Variants in SHC3 observed in about 807,000 individuals in gnomAD.
SHC3 encodes the protein SHC adaptor protein 3.
In SHC3, 15 loss-of-function variants were observed where a neutral mutation model predicts 60.4. The ratio of observed to expected loss-of-function variants is 0.25; its 90% CI spans 0.17 to 0.38. SHC3 has a LOEUF of 0.38. SHC3 is among the 10% of genes least tolerant of loss of function. The pLI is 1.00. For missense variants in SHC3, 677 were observed against 786.1 expected (o/e 0.86, Z 1.66); for synonymous variants, 294 against 325.9 (o/e 0.90, Z 1.05).
intron 6 of SHC3, among the ~76,000 whole-genome samples, chr9:89,056,724 T>C (rs867757895): frequency 3.9e-5 from 6 of 152,240 alleles, no homozygotes; most frequent in African/African-American, 1.4e-4. Flanking sequence ...GCCCTTCCTC[T>C]GCTATTACGG....
chr9:89,020,789 T>A (rs1564077768), intron 11 of SHC3, among the ~76,000 whole-genome samples: 2 of 151,984 alleles, frequency 1.3e-5, no homozygotes. Flanking sequence ...TCTCCATGTC[T>A]CCTCCATCAG....
intron 5 of SHC3, among the ~76,000 whole-genome samples, chr9:89,066,157 G>T (rs758757500): frequency 6.6e-6 from 1 of 152,042 alleles, no homozygotes; most frequent in Non-Finnish European, 1.5e-5. Flanking sequence ...AAAATAGAAC[G>T]CTAAGCCATA....
intron 2 of SHC3, among the ~76,000 whole-genome samples, chr9:89,095,168 A>G (rs1293654578): frequency 2.0e-5 from 3 of 152,210 alleles, no homozygotes; most frequent in Non-Finnish European, 4.4e-5. Context: ...CATGTACACC[A>G]TGTTCATGGA....
Position 89,013,394 on chromosome 9 carries a change from CA to C in SHC3, c.*52del. 1 of 1,422,566 alleles carries C rather than the reference CA, an allele frequency of 7.0e-7. No homozygotes were observed. Among genetic ancestry groups the C allele is most frequent in the Non-Finnish European group, 9.3e-7 (1 of 1,080,922 alleles). 88.1% of individuals were successfully genotyped at this position (1,422,566 alleles called of 1,614,324 possible). A position where few individuals can be genotyped will look rare whatever the true frequency, so the allele number is the denominator to read the frequency against. ...AGTTCCAGCAGCCCCGATTCTAGTC[CA>C]CTCCAGGTCCTCCTGACCTGGTGCG... On this transcript the variant is annotated 3_prime_UTR_variant, in exon 12 of 12. Transcript: ENST00000375835.
chr9:89,055,913 T>C (rs1824941285), intron 6 of SHC3, among the ~76,000 whole-genome samples: 1 of 152,262 alleles, frequency 6.6e-6, no homozygotes, highest in African/African-American at 2.4e-5. Context: ...ATATTATGTG[T>C]ATCATAAAAA....
At chr9:89,172,552 GACAC>G (rs1208720631) in intron 1 of SHC3, among the ~76,000 whole-genome samples, 18 of 149,484 alleles carry the variant, frequency 1.2e-4, no homozygotes, top group African/African-American at 4.4e-4. Context: ...CGAAGACACA[GACAC>G]ACACAGACAC....
At chr9:89,157,283 G>A (rs1826636471) in intron 1 of SHC3, among the ~76,000 whole-genome samples, 1 of 152,168 alleles carries the variant, frequency 6.6e-6, no homozygotes, top group Non-Finnish European at 1.5e-5. Context: ...TAAGAGATAA[G>A]CAAAGGAAAA....
At chr9:89,028,928 T>A (rs958943330) in intron 11 of SHC3, among the ~76,000 whole-genome samples, 5 of 147,504 alleles carry the variant, frequency 3.4e-5, no homozygotes, top group Non-Finnish European at 6.0e-5. Flanking sequence ...ATAAGTTTTT[T>A]AACTTTTTTT....
chr9:89,059,981 TTAGTGGTGGACA>T (rs2117962169), intron 6 of SHC3, among the ~76,000 whole-genome samples: 1 of 127,522 alleles, frequency 7.8e-6, no homozygotes, highest in South Asian at 2.7e-4. Flanking sequence ...GGTGGAGGAT[TTAGTGGTGGACA>T]TGGTGGAGGA....
At chr9:89,112,473 T>C in intron 2 of SHC3, 83 bp downstream of exon 2, 1 of 1,490,932 alleles carries the variant, frequency 6.7e-7, no homozygotes, top group Non-Finnish European at 9.3e-7. Flanking sequence ...CGGTCTTTTC[T>C]TCTAAAAATG....
chr9:89,084,797 G>A (rs2118036366), intron 2 of SHC3, among the ~76,000 whole-genome samples: 1 of 152,294 alleles, frequency 6.6e-6, no homozygotes. Flanking sequence ...CAATGAGGAA[G>A]AAGCCTCCAA....
intron 4 of SHC3, among the ~76,000 whole-genome samples, chr9:89,073,366 C>T (rs528915220): frequency 6.6e-6 from 1 of 152,260 alleles, no homozygotes; most frequent in East Asian, 1.9e-4. Context: ...ACCTAAATCA[C>T]GTGTTTTGCC....
At chr9:89,089,491 C>CA (rs1825585838) in intron 2 of SHC3, among the ~76,000 whole-genome samples, 2 of 152,168 alleles carry the variant, frequency 1.3e-5, no homozygotes, top group Admixed American at 6.5e-5. Context: ...AAAGCTCACA[C>CA]ACCACCAGAA....
chr9:89,134,238 G>C (rs1826289596), intron 1 of SHC3, among the ~76,000 whole-genome samples: 1 of 152,190 alleles, frequency 6.6e-6, no homozygotes, highest in African/African-American at 2.4e-5. Flanking sequence ...TGGATTTCTT[G>C]CCTGTGTTTA....
At chr9:89,051,060 G>T (rs1824854012) in intron 7 of SHC3, among the ~76,000 whole-genome samples, 1 of 152,108 alleles carries the variant, frequency 6.6e-6, no homozygotes, top group Non-Finnish European at 1.5e-5. Context: ...AAGAGGAAAA[G>T]AAATGAAAAG....
Position 89,009,287 on chromosome 9 carries a change from T to G in SHC3, c.*4160A>C, listed in dbSNP as rs1252477299. Reference sequence around the variant, plus strand: ...AGTGGGTTTGTCCTCTTCATCTTTCTTAGAGCCAGCTTTGAAAGTTCCATG... The same window carrying G: ...AGTGGGTTTGTCCTCTTCATCTTTCGTAGAGCCAGCTTTGAAAGTTCCATG... On this transcript the variant is annotated 3_prime_UTR_variant, in exon 12 of 12. Coordinates refer to ENST00000375835, the MANE Select transcript of SHC3 (RefSeq NM_016848.6). The G allele has an allele frequency of 6.6e-6, 1 of 152,266 alleles. No homozygotes were observed. The highest frequency in any genetic ancestry group is 1.5e-5 in the Non-Finnish European group (1 of 68,080). The allele number at this position is 152,266 out of a possible 1,614,324, so 9.4% of individuals were successfully genotyped here.
rs1362983701 is a variant in SHC3 at position 89,042,185 on chromosome 9, C to A, written c.1202-1G>T. 2 of 1,495,710 alleles carry A rather than the reference C, an allele frequency of 1.3e-6. No homozygotes were observed. Among genetic ancestry groups the A allele is most frequent in the Non-Finnish European group, 1.8e-6 (2 of 1,127,626 alleles). The allele number at this position is 1,495,710 out of a possible 1,614,324, so 92.7% of individuals were successfully genotyped here. A position where few individuals can be genotyped will look rare whatever the true frequency, so the allele number is the denominator to read the frequency against. On this transcript the variant is annotated splice_acceptor_variant, in intron 9 of 11. Coordinates refer to ENST00000375835, the MANE Select transcript of SHC3 (RefSeq NM_016848.6). LOFTEE classifies it high-confidence loss of function. Reference sequence around the variant, plus strand: ...GGCGTGCTGTAGATGTCCGAGGACCCTGCAACAAGAAAGTGAGCCCCTTTT... The same window carrying A: ...GGCGTGCTGTAGATGTCCGAGGACCATGCAACAAGAAAGTGAGCCCCTTTT...
chr9:89,109,455 AG>A (rs1825914626), intron 2 of SHC3: 2 of 985,382 alleles, frequency 2.0e-6, no homozygotes, highest in Admixed American at 1.2e-4. Flanking sequence ...ATGGAGTGAA[AG>A]GATTGTGTGG....
intron 1 of SHC3, among the ~76,000 whole-genome samples, chr9:89,177,707 G>A (rs1826962110): frequency 6.6e-6 from 1 of 152,268 alleles, no homozygotes; most frequent in Non-Finnish European, 1.5e-5. Flanking sequence ...TGGTAAGCCA[G>A]GTGGCAAAGG....
Sources: allele counts gnomAD v4.1 joint callset (sites outside exome capture counted in the v4.1 genomes callset), GRCh38; gene constraint gnomAD v4.1.1; transcripts MANE v1.5; gene names NCBI Gene and HGNC (gene_info 2026-07-23, HGNC 2026-07-21).